Variants in CACNA1A observed in about 807,000 individuals in gnomAD.
CACNA1A encodes the protein calcium voltage-gated channel subunit alpha1 A, also known as voltage-dependent P/Q-type calcium channel subunit alpha-1A.
A neutral mutation model predicts 262.4 loss-of-function variants in CACNA1A; 57 were observed. The ratio of observed to expected loss-of-function variants is 0.22; its 90% CI spans 0.18 to 0.27. CACNA1A has a LOEUF of 0.27. CACNA1A is among the 10% of genes least tolerant of loss of function. The pLI is 1.00. For synonymous variants in CACNA1A, 1,431 were observed against 1,419.3 expected, an observed-to-expected ratio of 1.01 and a Z score of -0.18; for missense variants, 2,526 against 3,562.8, an observed-to-expected ratio of 0.71 and a Z score of 7.41.
rs569314840 is a variant in CACNA1A at position 13,352,781 on chromosome 19, A to G, written c.978+6825T>C. Among the ~76,000 whole-genome samples, 560 of 152,066 alleles carry G rather than the reference A, an allele frequency of 3.7e-3. 5 individuals carry two copies. Among genetic ancestry groups the G allele is most frequent in the Non-Finnish European group, 4.3e-3 (295 of 67,986 alleles). On this transcript the variant is annotated intron_variant, in intron 6 of 46. Coordinates refer to ENST00000360228, the MANE Select transcript of CACNA1A (RefSeq NM_001127222.2). ...GACCTAGACTAGGGAACCATGCATC[A>G]CTTCTTCTCTCGTGCAGCTTTCGCT... is the stretch of plus-strand genomic sequence containing the variant.
intron 24 of CACNA1A, among the ~76,000 whole-genome samples, chr19:13,270,227 G>A (rs1014289062): frequency 6.6e-6 from 1 of 152,158 alleles, no homozygotes; most frequent in South Asian, 2.1e-4. Flanking sequence ...GAGGCACAGA[G>A]AGGCTAAAGG....
chr19:13,237,909 G>A (rs1285628243), intron 31 of CACNA1A, among the ~76,000 whole-genome samples: 1 of 152,192 alleles, frequency 6.6e-6, no homozygotes, highest in Non-Finnish European at 1.5e-5. Context: ...GACTCGGCCA[G>A]GCATGCGAAG....
Position 13,231,717 on chromosome 19 carries a change from G to T in CACNA1A, c.5393C>A (p.Ser1798Ter). 6.2e-7 allele frequency: 1 copy of T among 1,610,536 alleles called. No homozygotes were observed. Among genetic ancestry groups the T allele is most frequent in the South Asian group, 1.1e-5 (1 of 90,478 alleles). The part of the protein sequence containing the change: ...FYFVSFIFLC[S>*]FLMLNLFVAV... Reference sequence around the variant, plus strand: ...CAGTGTCCACAGACTCACCAGAAACGAGCAGAGGAAGATGAAGGAAACAAA... The same window carrying T: ...CAGTGTCCACAGACTCACCAGAAACTAGCAGAGGAAGATGAAGGAAACAAA... Residue 1798 changes from serine (S) to a stop codon, truncating the protein, a stop_gained, in exon 35 of 47, where the codon TCG becomes TAG. Coordinates refer to ENST00000360228, the MANE Select transcript of CACNA1A (RefSeq NM_001127222.2). LOFTEE classifies it high-confidence loss of function.
At chr19:13,335,581 A>G (rs1199190601) in intron 7 of CACNA1A, among the ~76,000 whole-genome samples, 2 of 152,184 alleles carry the variant, frequency 1.3e-5, no homozygotes, top group Non-Finnish European at 2.9e-5. Context: ...TTTAAAAAAA[A>G]TGTAAAGAAA....
chr19:13,431,058 G>A (rs904095188), intron 3 of CACNA1A, among the ~76,000 whole-genome samples: 3 of 152,094 alleles, frequency 2.0e-5, no homozygotes, highest in East Asian at 1.9e-4. Flanking sequence ...GAATAGAGGG[G>A]GATGGGGGAT....
Position 13,212,213 on chromosome 19 carries a change from C to A in CACNA1A, c.6193G>T (p.Val2065Leu). The change falls in exon 43 of 47, where the codon GTG becomes TTG. Residue 2065 changes from valine (V) to leucine (L), a missense_variant. Physicochemically the swap from Val to Leu is conservative, Grantham distance 32. This residue lies in a region of CACNA1A where 929 missense variants were observed against 868.1 expected (regional missense o/e 1.07). Coordinates refer to ENST00000360228, the MANE Select transcript of CACNA1A (RefSeq NM_001127222.2). This position sits in a 1 kb window ranked among gnomAD's most constrained non-coding sequence, Gnocchi z 5.6. ...MPNSQPNSQS[V>L]EMREMGRDGY... Reference sequence around the variant, plus strand: ...TCTCTGCCCATCTCTCGCATCTCCACGGACTGCGGAGCAGATGGCAAAGCC... The same window carrying A: ...TCTCTGCCCATCTCTCGCATCTCCAAGGACTGCGGAGCAGATGGCAAAGCC... The A allele has an allele frequency of 6.2e-7, 1 of 1,613,282 alleles. No individual in the cohort carries two copies. Among genetic ancestry groups the A allele is most frequent in the Non-Finnish European group, 8.5e-7 (1 of 1,179,296 alleles).
intron 3 of CACNA1A, among the ~76,000 whole-genome samples, chr19:13,437,384 G>A (rs1165654857): frequency 6.6e-6 from 1 of 152,122 alleles, no homozygotes; most frequent in Non-Finnish European, 1.5e-5. Flanking sequence ...GGGAAGAGAG[G>A]TGGAGGCAGC....
chr19:13,313,961 G>A (rs1304440644), intron 11 of CACNA1A, among the ~76,000 whole-genome samples: 1 of 152,178 alleles, frequency 6.6e-6, no homozygotes, highest in Non-Finnish European at 1.5e-5. Context: ...CTTGTCTTAT[G>A]TCCCCTAGAA....
intron 24 of CACNA1A, among the ~76,000 whole-genome samples, chr19:13,268,600 T>C (rs1398259194): frequency 6.6e-6 from 1 of 151,618 alleles, no homozygotes; most frequent in African/African-American, 2.4e-5. Flanking sequence ...GCCCAGCTAA[T>C]TTTTTTTGTA....
intron 30 of CACNA1A, among the ~76,000 whole-genome samples, chr19:13,248,345 G>A (rs2056304448): frequency 6.8e-6 from 1 of 147,726 alleles, no homozygotes; most frequent in Non-Finnish European, 1.5e-5. Flanking sequence ...GGAGGCCAAG[G>A]AGGGAGAACT....
rs565290677 is a variant in CACNA1A at position 13,236,410 on chromosome 19, C to T, written c.4951-680G>A. On this transcript the variant is annotated intron_variant, in intron 31 of 46. Transcript: ENST00000360228. This position sits in a 1 kb window ranked among gnomAD's most constrained non-coding sequence, Gnocchi z 4.6. Reference sequence around the variant, plus strand: ...CCCACGGCCAAGAGGAGCAGCGGCTCGAGCCAATTGGGAGAAGCGGAAGAG... The same window carrying T: ...CCCACGGCCAAGAGGAGCAGCGGCTTGAGCCAATTGGGAGAAGCGGAAGAG... 1.8e-3 allele frequency: 282 copies of T among 153,294 alleles called. No homozygotes were observed. The highest frequency in any genetic ancestry group is 5.9e-3 in the African/African-American group (244 of 41,570). 9.5% of individuals were successfully genotyped at this position (153,294 alleles called of 1,614,324 possible).
In CACNA1A at chr19:13,228,767, T is replaced by C; in HGVS notation, c.5529-1240A>G. 1 of 1,598,266 alleles carries C rather than the reference T, an allele frequency of 6.3e-7. No individual in the cohort carries two copies. Among genetic ancestry groups the C allele is most frequent in the Admixed American group, 1.7e-5 (1 of 58,704 alleles). Reference sequence around the variant, plus strand: ...GGGGGAGATATTACTCGTAATAAACTGTACATATCCTTATAATGAATCCGA... The same window carrying C: ...GGGGGAGATATTACTCGTAATAAACCGTACATATCCTTATAATGAATCCGA... On this transcript the variant is annotated intron_variant, in intron 36 of 46. Transcript: ENST00000360228.
At chr19:13,233,059 A>T (rs2055730609) in intron 34 of CACNA1A, among the ~76,000 whole-genome samples, 1 of 151,840 alleles carries the variant, frequency 6.6e-6, no homozygotes, top group Admixed American at 6.6e-5. Flanking sequence ...CAGATTAAAA[A>T]AAAAAAAAAG....
chr19:13,364,401 CA>C (rs1396882771), intron 5 of CACNA1A: 1 of 152,270 alleles, frequency 6.6e-6, no homozygotes, highest in Non-Finnish European at 1.5e-5. Context: ...TGCATTGAGG[CA>C]ATAACCCTTT....
intron 3 of CACNA1A, among the ~76,000 whole-genome samples, chr19:13,426,460 C>CG (rs1200195559): frequency 6.6e-6 from 1 of 152,022 alleles, no homozygotes; most frequent in African/African-American, 2.4e-5. Context: ...CAGGGATGCT[C>CG]TAAGTATCTT....
intron 10 of CACNA1A, among the ~76,000 whole-genome samples, chr19:13,329,600 C>T (rs530959965): frequency 7.9e-5 from 12 of 151,016 alleles, no homozygotes; most frequent in Admixed American, 4.0e-4. Context: ...GTGATGCTCC[C>T]GCCTCAGCCT....
At position 13,212,410 on chromosome 19, in the gene CACNA1A, T is replaced by C; in HGVS notation, c.6163A>G (p.Met2055Val). Residue 2055 changes from methionine (M) to valine (V), a missense_variant, in exon 42 of 47, where the codon ATG becomes GTG. Transcript: ENST00000360228. This position sits in a 1 kb window ranked among gnomAD's most constrained non-coding sequence, Gnocchi z 5.6. ...TGAGAGTTAGGCTGGCTGTTGGGCA[T>C]GTCGGTAGGGGGGCCTTGTTCCGGA... ...WSPEQGPPTD[M>V]PNSQPNSQSV... The C allele has an allele frequency of 6.2e-7, 1 of 1,613,542 alleles. No homozygotes were observed. The highest frequency in any genetic ancestry group is 1.1e-5 in the South Asian group (1 of 91,010).
chr19:13,293,746 G>A (rs979839216), intron 19 of CACNA1A, among the ~76,000 whole-genome samples: 4 of 151,094 alleles, frequency 2.6e-5, no homozygotes, highest in East Asian at 1.9e-4. Context: ...ATGAGCCACC[G>A]CGCCCGGCTC....
At chr19:13,235,882 C>G (rs1321754296) in intron 31 of CACNA1A, 152 bp from the exon 32 acceptor site, 1 of 582,442 alleles carries the variant, frequency 1.7e-6, no homozygotes, top group Non-Finnish European at 3.1e-6. Context: ...ACTATTAATG[C>G]AATGATGCAG....
Sources: gnomAD v4.1 joint callset for allele counts (sites outside exome capture counted in the v4.1 genomes callset) on GRCh38, gnomAD v4.1.1 for gene constraint, gnomAD v4.1.1 regional missense constraint, Gnocchi (gnomAD v3.1) non-coding constraint, MANE v1.5 for transcripts, NCBI Gene and HGNC (gene_info 2026-07-23, HGNC 2026-07-21) for gene names.